Variants in CACNA1E observed in about 807,000 individuals in gnomAD.
CACNA1E encodes the protein calcium voltage-gated channel subunit alpha1 E.
In CACNA1E, 40 loss-of-function variants were observed where a neutral mutation model predicts 259.2. That is an observed-to-expected ratio of 0.15 (90% CI 0.12 to 0.20). The LOEUF is 0.20. Ranked by LOEUF, CACNA1E falls within the 10% of genes least tolerant of loss-of-function variation. CACNA1E has a pLI of 1.00. For synonymous variants in CACNA1E, 1,104 were observed against 1,138.5 expected (o/e 0.97, Z 0.61); for missense variants, 1,874 against 3,040.1 (o/e 0.62, Z 9.02).
intron 6 of CACNA1E, among the ~76,000 whole-genome samples, chr1:181,590,088 C>A (rs1652478511): frequency 6.6e-6 from 1 of 152,066 alleles, no homozygotes; most frequent in African/African-American, 2.4e-5. Flanking sequence ...CCTCCAGTTC[C>A]CTATGTTGCA....
At chr1:181,478,937 C>T (rs945127881), upstream of CACNA1E, among the ~76,000 whole-genome samples, 2 of 152,200 alleles carry the variant, frequency 1.3e-5, no homozygotes, top group Admixed American at 6.5e-5. Context: ...CTACCAGTCC[C>T]CTTCACACCT....
chr1:181,458,628 G>A (rs1378731829), intron 2 of CACNA1E, among the ~76,000 whole-genome samples: 4 of 152,190 alleles, frequency 2.6e-5, no homozygotes. Context: ...TGACACCTAT[G>A]AGCTAAGCAT....
At chr1:181,476,924 G>C (rs1279531935) in intron 2 of CACNA1E, among the ~76,000 whole-genome samples, 1 of 152,156 alleles carries the variant, frequency 6.6e-6, no homozygotes, top group Non-Finnish European at 1.5e-5. Flanking sequence ...GGGATCCTTT[G>C]CTGTCTGGGG....
intron 3 of CACNA1E, among the ~76,000 whole-genome samples, chr1:181,569,323 C>T (rs546672294): frequency 3.8e-4 from 58 of 152,200 alleles, no homozygotes; most frequent in Admixed American, 7.9e-4. Context: ...CAAGGGGCCC[C>T]GGCAGAGTAG....
At chr1:181,520,918 C>T (rs550826133) in intron 3 of CACNA1E, among the ~76,000 whole-genome samples, 3 of 152,294 alleles carry the variant, frequency 2.0e-5, no homozygotes, top group Non-Finnish European at 2.9e-5. Context: ...AGCCCCTGTC[C>T]GCCCACATCT....
chr1:181,390,266 G>A (rs1656162378), intron 1 of CACNA1E, among the ~76,000 whole-genome samples: 1 of 152,190 alleles, frequency 6.6e-6, no homozygotes, highest in Non-Finnish European at 1.5e-5. Flanking sequence ...GGCTTCTGCT[G>A]AATGCAGTGA....
Position 181,715,268 on chromosome 1 carries a change from G to A in CACNA1E, c.1172-70G>A, listed in dbSNP as rs1053828086. ...GTTGCCCTGAGCTGAAGTTGTCCCT[G>A]AGGGATTTTAATCTTGCAGAATAAT... is the stretch of plus-strand genomic sequence containing the variant. On this transcript the variant is annotated intron_variant, in intron 8 of 47. Coordinates refer to ENST00000367573, the MANE Select transcript of CACNA1E (RefSeq NM_001205293.3). 8.6e-6 allele frequency: 8 copies of A among 931,862 alleles called. No homozygotes were observed. The African/African-American group carries it at 1.3e-4, about 15-fold the overall frequency. 57.7% of individuals were successfully genotyped at this position (931,862 alleles called of 1,614,324 possible).
chr1:181,439,477 C>T (rs767104539), intron 2 of CACNA1E, among the ~76,000 whole-genome samples: 22 of 151,922 alleles, frequency 1.4e-4, no homozygotes, highest in Admixed American at 2.0e-4. Context: ...GGTGTGAAAC[C>T]GGTATACACA....
chr1:181,461,554 A>G (rs1661818912), intron 2 of CACNA1E, among the ~76,000 whole-genome samples: 1 of 151,780 alleles, frequency 6.6e-6, no homozygotes, highest in Non-Finnish European at 1.5e-5. Context: ...AAAAAAAAAA[A>G]AAAAAAAAGT....
At chr1:181,540,774 C>T (rs1037134159) in intron 3 of CACNA1E, among the ~76,000 whole-genome samples, 9 of 152,188 alleles carry the variant, frequency 5.9e-5, no homozygotes, top group African/African-American at 2.2e-4. Context: ...CCATAATTTT[C>T]CACTCTTCAT....
intron 33 of CACNA1E, 72 bp downstream of exon 33, chr1:181,762,729 T>G (rs1658693608): frequency 4.6e-6 from 4 of 870,366 alleles, no homozygotes; most frequent in Non-Finnish European, 7.5e-6. Flanking sequence ...CTCTGTATAT[T>G]CAGTCCATTT....
intron 1 of CACNA1E, among the ~76,000 whole-genome samples, chr1:181,411,856 C>T (rs1242823990): frequency 2.0e-5 from 3 of 151,892 alleles, no homozygotes; most frequent in African/African-American, 4.8e-5. Flanking sequence ...GTGATCTGCT[C>T]GCCTTGGTCT....
intron 1 of CACNA1E, among the ~76,000 whole-genome samples, chr1:181,399,784 C>G (rs1440365895): frequency 6.6e-6 from 1 of 152,178 alleles, no homozygotes; most frequent in African/African-American, 2.4e-5. Flanking sequence ...TTAGATGTTT[C>G]CCACAGGGTG....
chr1:181,436,618 A>G (rs916658276), intron 2 of CACNA1E, among the ~76,000 whole-genome samples: 1 of 152,262 alleles, frequency 6.6e-6, no homozygotes, highest in East Asian at 1.9e-4. Context: ...CGAAATGCCA[A>G]TATCATATGA....
At position 181,710,912 on chromosome 1, in the gene CACNA1E, G is replaced by A. The variant is rs1333889311; in HGVS notation, c.1056-42G>A. 4 of 1,364,882 alleles carry A rather than the reference G, an allele frequency of 2.9e-6. No homozygotes were observed. The Admixed American group carries it at 5.0e-5, about 17-fold the overall frequency. 84.5% of individuals were successfully genotyped at this position (1,364,882 alleles called of 1,614,324 possible). ...TGATTCACTCTTTCCCTTAGTCATGGCCCTGTCCAAACCCAGTGAATCTTA... is the reference window on the plus strand; with the variant it reads ...TGATTCACTCTTTCCCTTAGTCATGACCCTGTCCAAACCCAGTGAATCTTA... On this transcript the variant is annotated intron_variant, in intron 7 of 47. Coordinates refer to ENST00000367573, the MANE Select transcript of CACNA1E (RefSeq NM_001205293.3).
intron 6 of CACNA1E, among the ~76,000 whole-genome samples, chr1:181,640,194 G>A (rs1558215784): frequency 6.6e-6 from 1 of 152,188 alleles, no homozygotes; most frequent in Non-Finnish European, 1.5e-5. Context: ...AAGATATTTT[G>A]TGCACATCTG....
intron 25 of CACNA1E, among the ~76,000 whole-genome samples, chr1:181,739,697 G>A (rs1656385274): frequency 6.6e-6 from 1 of 152,148 alleles, no homozygotes; most frequent in Non-Finnish European, 1.5e-5. Context: ...GGCATGGTGA[G>A]GTTTTCTATT....
chr1:181,716,437 G>A (rs539186257), intron 10 of CACNA1E, among the ~76,000 whole-genome samples: 1 of 152,258 alleles, frequency 6.6e-6, no homozygotes, highest in African/African-American at 2.4e-5. Context: ...TGGGAGTGAT[G>A]ATGAGAACCC....
At chr1:181,637,913 G>C (rs981266062) in intron 6 of CACNA1E, among the ~76,000 whole-genome samples, 15 of 152,202 alleles carry the variant, frequency 9.9e-5, no homozygotes, top group African/African-American at 2.4e-5. Flanking sequence ...AGGAAAGAAT[G>C]TGGCATAGAA....
Sources: gnomAD v4.1 joint callset for allele counts (sites outside exome capture counted in the v4.1 genomes callset) on GRCh38, gnomAD v4.1.1 for gene constraint, MANE v1.5 for transcripts, NCBI Gene and HGNC (gene_info 2026-07-23, HGNC 2026-07-21) for gene names.